The following MDM4 variants were observed in gnomAD, a reference collection of about 807,000 sequenced individuals.
The protein encoded by MDM4 is protein Mdm4.
MDM4 carries 2 observed loss-of-function variants against 60.2 expected under a neutral mutation model. The ratio of observed to expected loss-of-function variants is 0.03; its 90% CI spans 0.01 to 0.10. The LOEUF is 0.10. MDM4 is among the 10% of genes least tolerant of loss of function. The pLI is 1.00. For synonymous variants in MDM4, 202 were observed against 198.1 expected, an observed-to-expected ratio of 1.02 and a Z score of -0.17; for missense variants, 447 against 577.5, an observed-to-expected ratio of 0.77 and a Z score of 2.32.
Position 204,538,415 on chromosome 1 carries a change from C to T in MDM4, c.511+107C>T, listed in dbSNP as rs547709909. ...GTAGGAGAGGGATATGTCACAATTTCTCATCCTTTTCTGAAAACCTTTTTA... is the reference window on the plus strand; with the variant it reads ...GTAGGAGAGGGATATGTCACAATTTTTCATCCTTTTCTGAAAACCTTTTTA... On this transcript the variant is annotated intron_variant, in intron 7 of 10. Coordinates refer to ENST00000367182, the MANE Select transcript of MDM4 (RefSeq NM_002393.5). The T allele has an allele frequency of 1.8e-5, 12 of 676,148 alleles. No homozygotes were observed. In the East Asian group the frequency reaches 2.9e-4, roughly 16 times the overall value. 41.9% of individuals were successfully genotyped at this position (676,148 alleles called of 1,614,324 possible).
At chr1:204,544,060 T>C (rs1662400714) in intron 8 of MDM4, among the ~76,000 whole-genome samples, 1 of 152,256 alleles carries the variant, frequency 6.6e-6, no homozygotes, top group South Asian at 2.1e-4. Flanking sequence ...TAGTTCTATA[T>C]GGAGTTCAGA....
At chr1:204,548,692 C>T (rs1662903718) in intron 10 of MDM4, among the ~76,000 whole-genome samples, 1 of 151,752 alleles carries the variant, frequency 6.6e-6, no homozygotes, top group Admixed American at 6.6e-5. Context: ...TTCTTTTTTG[C>T]CAAACTTTAT....
At position 204,523,472 on chromosome 1, in the gene MDM4, AAT is replaced by A. The variant is rs1491474801; in HGVS notation, c.-35-2011_-35-2010del. Among the ~76,000 whole-genome samples, 379 of 89,144 alleles carry A rather than the reference AAT, an allele frequency of 4.3e-3. 3 individuals are homozygous for A. Among genetic ancestry groups the A allele is most frequent in the African/African-American group, 0.012 (369 of 30,204 alleles). The allele number at this position is 89,144 out of a possible 152,430, so 58.5% of individuals were successfully genotyped here. A position where few individuals can be genotyped will look rare whatever the true frequency, so the allele number is the denominator to read the frequency against. On this transcript the variant is annotated intron_variant, in intron 1 of 10. Transcript: ENST00000367182. ...ACAGAGCGAGACTCCACCTAAAAAA[AAT>A]TTTTTTTTTTTTTTTTTTTTTTTTT...
chr1:204,532,118 T>G, intron 4 of MDM4, 73 bp from the exon 5 acceptor site: 1 of 885,996 alleles, frequency 1.1e-6, no homozygotes, highest in South Asian at 1.4e-5. Context: ...ACATTTAATA[T>G]TTAACGGCAA....
At chr1:204,540,328 TC>T (rs1661926378) in intron 7 of MDM4, among the ~76,000 whole-genome samples, 1 of 151,802 alleles carries the variant, frequency 6.6e-6, no homozygotes, top group African/African-American at 2.4e-5. Context: ...CCCCAGGATA[TC>T]TCATTATGTA....
At position 204,550,259 on chromosome 1, in the gene MDM4, G is replaced by A. The variant is rs1158095793; in HGVS notation, c.*577G>A. 8.7e-6 allele frequency: 2 copies of A among 230,824 alleles called. No homozygotes were observed. The highest frequency in any genetic ancestry group is 5.7e-5 in the Admixed American group (1 of 17,630). 14.3% of individuals were successfully genotyped at this position (230,824 alleles called of 1,614,324 possible). On this transcript the variant is annotated 3_prime_UTR_variant, in exon 11 of 11. Transcript: ENST00000367182. ...TATGATCATGGCTCACTGCAGCCTTGGTTTCCTGGGCATAAGTGGTCTTCC... is the reference window on the plus strand; with the variant it reads ...TATGATCATGGCTCACTGCAGCCTTAGTTTCCTGGGCATAAGTGGTCTTCC...
intron 3 of MDM4, chr1:204,529,503 T>C (rs1660623731): frequency 6.6e-7 from 1 of 1,516,010 alleles, no homozygotes; most frequent in South Asian, 1.2e-5. Context: ...GAGGTGTCCA[T>C]AGGGCCCTCT....
rs187864868 is a variant in MDM4 at position 204,520,720 on chromosome 1, A to T, written c.-36+4211A>T. Among the ~76,000 whole-genome samples, 549 of 152,066 alleles carry T rather than the reference A, an allele frequency of 3.6e-3. 1 individual carries two copies. The highest frequency in any genetic ancestry group is 0.017 in the Middle Eastern group (5 of 292). On this transcript the variant is annotated intron_variant, in intron 1 of 10. Coordinates refer to ENST00000367182, the MANE Select transcript of MDM4 (RefSeq NM_002393.5). The stretch of plus-strand genomic sequence containing the variant: ...GCAAAATCCTGTCTCTACAAAAAAT[A>T]AAAAAATTAGCCAGGAATGGTGGCG...
chr1:204,528,864 A>G lies in MDM4; in HGVS notation c.154-1820A>G, dbSNP rs78443893. 1.9e-4 allele frequency: 306 copies of G among 1,575,538 alleles called. 2 individuals carry two copies. The East Asian group carries it at 6.3e-3, about 32-fold the overall frequency. Reference sequence around the variant, plus strand: ...GTTGGGTCATAGCATCCGAGCTGTCATGGTGACGACGTCCTTGAAGCTGAG... The same window carrying G: ...GTTGGGTCATAGCATCCGAGCTGTCGTGGTGACGACGTCCTTGAAGCTGAG... On this transcript the variant is annotated intron_variant, in intron 3 of 10. Coordinates refer to ENST00000367182, the MANE Select transcript of MDM4 (RefSeq NM_002393.5).
At chr1:204,544,084 A>C (rs1001019497) in intron 8 of MDM4, among the ~76,000 whole-genome samples, 2 of 152,204 alleles carry the variant, frequency 1.3e-5, no homozygotes, top group African/African-American at 4.8e-5. Context: ...TGTCAGGACA[A>C]AAGGTTTGGG....
chr1:204,535,863 A>G (rs995307294), intron 5 of MDM4, among the ~76,000 whole-genome samples: 1 of 152,132 alleles, frequency 6.6e-6, no homozygotes, highest in African/African-American at 2.4e-5. Context: ...TCTTTTTTAC[A>G]TTGTGGTTTC....
chr1:204,537,569 TC>T, intron 6 of MDM4, 72 bp downstream of exon 6: 3 of 1,027,266 alleles, frequency 2.9e-6, no homozygotes, highest in Non-Finnish European at 4.6e-6. Context: ...GATCTTGGAC[TC>T]CCAAGACCTT....
chr1:204,537,426 C>T lies in MDM4; in HGVS notation c.344-4C>T. 1 of 1,611,650 alleles carries T rather than the reference C, an allele frequency of 6.2e-7. No individual in the cohort carries two copies. On this transcript the variant is annotated splice_polypyrimidine_tract_variant and splice_region_variant and intron_variant, in intron 5 of 10. Coordinates refer to ENST00000367182, the MANE Select transcript of MDM4 (RefSeq NM_002393.5). ...GTTTTCCTTTTGTTTTACTTGCTATCCAGATGCTGCTCAGACTCTCGCTCT... is the reference window on the plus strand; with the variant it reads ...GTTTTCCTTTTGTTTTACTTGCTATTCAGATGCTGCTCAGACTCTCGCTCT...
At chr1:204,520,494 G>T (rs1659465793) in intron 1 of MDM4, among the ~76,000 whole-genome samples, 1 of 151,936 alleles carries the variant, frequency 6.6e-6, no homozygotes, top group African/African-American at 2.4e-5. Flanking sequence ...GGTTCAGGAT[G>T]ATTATTATTG....
chr1:204,530,965 A>G (rs1293202912), intron 4 of MDM4, 148 bp downstream of exon 4: 5 of 968,818 alleles, frequency 5.2e-6, no homozygotes, highest in East Asian at 2.5e-5. Context: ...AGAATATGGT[A>G]ATGAGCGACA....
chr1:204,521,002 A>G (rs1443368572), intron 1 of MDM4, among the ~76,000 whole-genome samples: 2 of 152,228 alleles, frequency 1.3e-5, no homozygotes, highest in Non-Finnish European at 2.9e-5. Flanking sequence ...ATGGGAAAAA[A>G]TGCTGCTAAA....
In MDM4 at chr1:204,551,930, GTCT is replaced by G. The variant is rs540579883; in HGVS notation, c.*2250_*2252del. 40 of 176,340 alleles carry G rather than the reference GTCT, an allele frequency of 2.3e-4. 1 individual carries two copies. The South Asian group carries it at 7.7e-3, about 34-fold the overall frequency. The allele number at this position is 176,340 out of a possible 1,614,324, so 10.9% of individuals were successfully genotyped here. On this transcript the variant is annotated 3_prime_UTR_variant, in exon 11 of 11. Coordinates refer to ENST00000367182, the MANE Select transcript of MDM4 (RefSeq NM_002393.5). The stretch of plus-strand genomic sequence containing the variant: ...CCTGGTCCACAATGGAAGAAGAATT[GTCT>G]TGGACCACACATAAAATACACTAAC...
chr1:204,539,739 G>C (rs1018062453), intron 7 of MDM4, among the ~76,000 whole-genome samples: 3 of 151,688 alleles, frequency 2.0e-5, no homozygotes, highest in Non-Finnish European at 4.4e-5. Flanking sequence ...GTTTTACCAT[G>C]TTGACCAGGA....
At chr1:204,521,073 G>A (rs12132098) in intron 1 of MDM4, among the ~76,000 whole-genome samples, 118 of 152,314 alleles carry the variant, frequency 7.7e-4, no homozygotes, top group South Asian at 1.2e-3. Flanking sequence ...CTCATTGGGT[G>A]ATCTTGGACA....
Sources: gnomAD v4.1 joint callset for allele counts (sites outside exome capture counted in the v4.1 genomes callset) on GRCh38, gnomAD v4.1.1 for gene constraint, MANE v1.5 for transcripts, NCBI Gene and HGNC (gene_info 2026-07-23, HGNC 2026-07-21) for gene names.